ATG10: variants seen among roughly 807,000 people sequenced by gnomAD.
The protein encoded by ATG10 is autophagy related 10.
Under a neutral mutation model 32.1 loss-of-function variants are expected in ATG10, and 30 were observed. That is an observed-to-expected ratio of 0.94 (90% confidence interval 0.70 to 1.27). The LOEUF is 1.27. ATG10 is among the 50% of genes most tolerant of loss of function. The pLI is 0.00. For synonymous variants in ATG10, 87 were observed against 91.5 expected, an observed-to-expected ratio of 0.95 and a Z score of 0.28; for missense variants, 233 against 262.3, an observed-to-expected ratio of 0.89 and a Z score of 0.77.
chr5:82,251,832 A>G (rs1044718650), intron 5 of ATG10, among the ~76,000 whole-genome samples: 2 of 152,206 alleles, frequency 1.3e-5, no homozygotes, highest in African/African-American at 4.8e-5. Context: ...TAACTTGGGT[A>G]TGGTCTGACC....
intron 1 of ATG10, among the ~76,000 whole-genome samples, chr5:81,986,015 G>C (rs1296680600): frequency 1.3e-5 from 2 of 151,692 alleles, no homozygotes. Context: ...CGCCTGCCTC[G>C]GCCTCCCCAA....
At chr5:82,145,646 A>G (rs1044053736) in intron 3 of ATG10, among the ~76,000 whole-genome samples, 1 of 152,168 alleles carries the variant, frequency 6.6e-6, no homozygotes, top group Non-Finnish European at 1.5e-5. Flanking sequence ...TTTTTATAAC[A>G]GTGTTATAAC....
At chr5:81,995,256 C>T (rs547004981) in intron 2 of ATG10, among the ~76,000 whole-genome samples, 13 of 152,154 alleles carry the variant, frequency 8.5e-5, no homozygotes, top group East Asian at 7.8e-4. Flanking sequence ...TCAGCCTCCC[C>T]GGTAGCTGGG....
chr5:82,094,447 C>T (rs994879865), intron 3 of ATG10, among the ~76,000 whole-genome samples: 14 of 151,934 alleles, frequency 9.2e-5, no homozygotes, highest in African/African-American at 1.2e-4. Flanking sequence ...GGTGACAAAA[C>T]GGGTACTAAT....
intron 5 of ATG10, among the ~76,000 whole-genome samples, chr5:82,212,980 G>A (rs1184505678): frequency 1.3e-5 from 2 of 152,134 alleles, no homozygotes; most frequent in East Asian, 3.8e-4. Flanking sequence ...CCAGCAATAC[G>A]ATAATTTTAT....
At chr5:82,026,126 A>G (rs186487237) in intron 2 of ATG10, among the ~76,000 whole-genome samples, 1 of 152,284 alleles carries the variant, frequency 6.6e-6, no homozygotes, top group Non-Finnish European at 1.5e-5. Context: ...TGTACCTATG[A>G]AACAACTACT....
intron 1 of ATG10, chr5:81,976,060 G>C (rs2149650324): frequency 1.3e-5 from 2 of 150,956 alleles, no homozygotes; most frequent in Non-Finnish European, 3.0e-5. Context: ...GAGTGCAGTG[G>C]CGTGATCTCG....
intron 2 of ATG10, among the ~76,000 whole-genome samples, chr5:82,046,494 G>A (rs1763240882): frequency 6.6e-6 from 1 of 152,140 alleles, no homozygotes; most frequent in Non-Finnish European, 1.5e-5. Context: ...GAGAGAGCAC[G>A]GCTCTGCCAA....
At chr5:82,115,196 AG>A (rs776739169) in intron 3 of ATG10, among the ~76,000 whole-genome samples, 4 of 152,056 alleles carry the variant, frequency 2.6e-5, no homozygotes, top group Non-Finnish European at 5.9e-5. Context: ...AAAGTTTAAA[AG>A]GCGTTTTTGA....
chr5:82,162,829 C>T (rs796910465), intron 3 of ATG10, among the ~76,000 whole-genome samples: 96 of 7,134 alleles, frequency 0.013, no homozygotes, highest in African/African-American at 0.057. Context: ...AGGATTTAAG[C>T]AGGGGCGGGG....
At chr5:82,171,182 G>C (rs1473603599) in intron 4 of ATG10, among the ~76,000 whole-genome samples, 1 of 152,064 alleles carries the variant, frequency 6.6e-6, no homozygotes, top group Non-Finnish European at 1.5e-5. Flanking sequence ...TAAATGGAAG[G>C]GTATAACATC....
At chr5:82,090,333 G>C (rs1322141998) in intron 3 of ATG10, among the ~76,000 whole-genome samples, 1 of 151,978 alleles carries the variant, frequency 6.6e-6, no homozygotes, top group Non-Finnish European at 1.5e-5. Context: ...AGTTTTATTT[G>C]TAATAGCCCA....
intron 2 of ATG10, among the ~76,000 whole-genome samples, chr5:82,032,644 G>C (rs1459512047): frequency 6.6e-6 from 1 of 151,822 alleles, no homozygotes; most frequent in Non-Finnish European, 1.5e-5. Context: ...CTTTCACCCT[G>C]TCTGCTAACT....
chr5:82,179,919 T>A (rs1303783944), intron 5 of ATG10, among the ~76,000 whole-genome samples: 1 of 152,078 alleles, frequency 6.6e-6, no homozygotes, highest in African/African-American at 2.4e-5. Context: ...TATTTGTATC[T>A]TTCACACTGC....
intron 5 of ATG10, among the ~76,000 whole-genome samples, chr5:82,181,990 A>C (rs1053081576): frequency 6.6e-6 from 1 of 152,172 alleles, no homozygotes; most frequent in African/African-American, 2.4e-5. Flanking sequence ...TTCTGAAAGA[A>C]AGTTAACAGG....
At chr5:82,010,273 T>G (rs1478809976) in intron 2 of ATG10, among the ~76,000 whole-genome samples, 1 of 152,204 alleles carries the variant, frequency 6.6e-6, no homozygotes, top group Non-Finnish European at 1.5e-5. Flanking sequence ...ATTGTGATTA[T>G]TTTGGCTAAT....
At chr5:82,108,683 G>C (rs1380647097) in intron 3 of ATG10, among the ~76,000 whole-genome samples, 1 of 152,020 alleles carries the variant, frequency 6.6e-6, no homozygotes, top group Non-Finnish European at 1.5e-5. Context: ...TGCATTATAT[G>C]ATGTCAGTGT....
intron 2 of ATG10, among the ~76,000 whole-genome samples, chr5:81,988,514 A>G (rs1021915555): frequency 2.0e-5 from 3 of 151,792 alleles, no homozygotes; most frequent in Non-Finnish European, 4.4e-5. Flanking sequence ...GCTCACTGCA[A>G]TCTCCACCTC....
chr5:81,973,793 G>C (rs1179560096), intron 1 of ATG10, among the ~76,000 whole-genome samples: 2 of 152,160 alleles, frequency 1.3e-5, no homozygotes, highest in African/African-American at 4.8e-5. Context: ...CCTGAGTATT[G>C]AGAAATTAAA....
Sources: allele counts gnomAD v4.1 joint callset (sites outside exome capture counted in the v4.1 genomes callset), GRCh38; gene constraint gnomAD v4.1.1; transcripts MANE v1.5; gene names NCBI Gene and HGNC (gene_info 2026-07-23, HGNC 2026-07-21).